Variants in RPH3A observed in about 807,000 individuals in gnomAD.
RPH3A encodes rabphilin-3A.
Under a neutral mutation model 102.2 loss-of-function variants are expected in RPH3A, and 48 were observed. The observed-to-expected ratio is 0.47, with a 90% CI of 0.37 to 0.60. RPH3A has a LOEUF of 0.60. Among genes scored for constraint, RPH3A ranks in the 20% least tolerant of loss-of-function variants. The pLI, the probability that RPH3A is intolerant of heterozygous loss-of-function variation, is 0.00. For missense variants in RPH3A, 781 were observed against 910.1 expected (o/e 0.86, Z 1.83); for synonymous variants, 310 against 324.3 (o/e 0.96, Z 0.47).
chr12:112,579,539 T>C (rs1452745184), intron 1 of RPH3A, among the ~76,000 whole-genome samples: 3 of 152,196 alleles, frequency 2.0e-5, no homozygotes, highest in South Asian at 2.1e-4. Context: ...AAAATTCTGG[T>C]AAAGCCATTA....
At chr12:112,769,537 C>T (rs1166906028) in intron 1 of RPH3A, among the ~76,000 whole-genome samples, 2 of 152,312 alleles carry the variant, frequency 1.3e-5, no homozygotes, top group South Asian at 2.1e-4. Context: ...TTACGTTTAG[C>T]GCATAAAAAC....
In RPH3A at chr12:112,637,238, A is replaced by G. The variant is rs542470430; in HGVS notation, c.-140+61919A>G. On this transcript the variant is annotated intron_variant, in intron 1 of 21. Transcript: ENST00000543106. ...CTGATACAACAGATTTCCCTTCAGC[A>G]TAATCCTCCCCAATGTGCTTCTCAT... is the stretch of plus-strand genomic sequence containing the variant. 2.6e-5 allele frequency among the ~76,000 whole-genome samples: 4 copies of G among 152,306 alleles called. No homozygotes were observed. The South Asian group carries it at 8.3e-4, about 32-fold the overall frequency.
At chr12:112,764,386 C>T (rs1304145278) in intron 1 of RPH3A, among the ~76,000 whole-genome samples, 1 of 152,136 alleles carries the variant, frequency 6.6e-6, no homozygotes, top group African/African-American at 2.4e-5. Context: ...TGTTATGTAG[C>T]TAAAACCTCA....
At chr12:112,780,190 G>C (rs1304434407) in intron 1 of RPH3A, among the ~76,000 whole-genome samples, 1 of 151,930 alleles carries the variant, frequency 6.6e-6, no homozygotes, top group Non-Finnish European at 1.5e-5. Flanking sequence ...GGCTCATGTT[G>C]GCCTCATCTT....
intron 12 of RPH3A, among the ~76,000 whole-genome samples, chr12:112,876,437 C>G (rs565750545): frequency 6.6e-6 from 1 of 152,314 alleles, no homozygotes; most frequent in South Asian, 2.1e-4. Flanking sequence ...GTCCACACCA[C>G]TGATTTGTAC....
intron 1 of RPH3A, among the ~76,000 whole-genome samples, chr12:112,700,337 T>A (rs2040384518): frequency 6.6e-6 from 1 of 152,126 alleles, no homozygotes; most frequent in East Asian, 1.9e-4. Flanking sequence ...CCCAAGTGAA[T>A]TCTTAATATA....
At chr12:112,736,533 G>A (rs1239745596) in intron 1 of RPH3A, among the ~76,000 whole-genome samples, 2 of 152,208 alleles carry the variant, frequency 1.3e-5, no homozygotes, top group East Asian at 3.8e-4. Context: ...GAGACACGGA[G>A]TGTGAGCACT....
rs368311022 is a variant in RPH3A at position 112,870,028 on chromosome 12, G to A, written c.785G>A (p.Arg262Gln). 8.1e-5 allele frequency: 130 copies of A among 1,612,486 alleles called. No individual in the cohort carries two copies. Among genetic ancestry groups the A allele is most frequent in the South Asian group, 4.5e-4 (41 of 90,762 alleles). The change falls in exon 10 of 22, where the codon CGG (arginine) becomes CAG (glutamine). Residue 262 changes from arginine (R) to glutamine (Q), a missense_variant. Around this residue, in one of 2 missense-constraint regions of RPH3A, gnomAD observed 730 missense variants for 810.0 expected, o/e 0.90. Coordinates refer to ENST00000389385, the MANE Select transcript of RPH3A (RefSeq NM_001143854.2). ...DHSGGAGDSS[R>Q]SPAGLRRANS... ...AGTGGGGGTGCTGGAGACTCCAGCCGGAGCCCAGCAGGTGAGCAAGATGGG... is the reference window on the plus strand; with the variant it reads ...AGTGGGGGTGCTGGAGACTCCAGCCAGAGCCCAGCAGGTGAGCAAGATGGG...
intron 1 of RPH3A, among the ~76,000 whole-genome samples, chr12:112,749,280 G>C (rs536437476): frequency 6.6e-6 from 1 of 152,140 alleles, no homozygotes; most frequent in African/African-American, 2.4e-5. Flanking sequence ...TGTTGATTTC[G>C]TCAGTGTTCT....
At chr12:112,759,807 G>A (rs1247285218) in intron 1 of RPH3A, among the ~76,000 whole-genome samples, 2 of 152,046 alleles carry the variant, frequency 1.3e-5, no homozygotes, top group Non-Finnish European at 2.9e-5. Context: ...ATCTCTTCTG[G>A]TGCGTATGTC....
intron 4 of RPH3A, chr12:112,837,757 C>G: frequency 2.2e-6 from 1 of 455,974 alleles, no homozygotes; most frequent in Non-Finnish European, 4.4e-6. Flanking sequence ...AAGTTCATGA[C>G]TCCAAAAGGT....
At chr12:112,782,920 A>G (rs969877472) in intron 1 of RPH3A, among the ~76,000 whole-genome samples, 2 of 152,204 alleles carry the variant, frequency 1.3e-5, no homozygotes, top group Non-Finnish European at 2.9e-5. Flanking sequence ...ATTCCTGGAC[A>G]GAGTCTCATG....
intron 1 of RPH3A, among the ~76,000 whole-genome samples, chr12:112,647,019 A>G (rs1254512594): frequency 6.6e-6 from 1 of 152,210 alleles, no homozygotes; most frequent in Non-Finnish European, 1.5e-5. Flanking sequence ...TTAGCCACAC[A>G]TTAGCTTAGG....
chr12:112,868,270 A>G, intron 7 of RPH3A, 160 bp from the exon 8 acceptor site: 1 of 670,876 alleles, frequency 1.5e-6, no homozygotes, highest in Non-Finnish European at 2.4e-6. Context: ...TGGGCTGAAT[A>G]AATATGAATT....
rs150809095 is a variant in RPH3A at position 112,683,533 on chromosome 12, G to A, written c.-140+108214G>A. Among the ~76,000 whole-genome samples, 9 of 152,264 alleles carry A rather than the reference G, an allele frequency of 5.9e-5. No individual in the cohort carries two copies. The East Asian group carries it at 1.7e-3, about 29-fold the overall frequency. ...ATGATTCCAAGGAGGAGGAGTGAGG[G>A]ACAGGAAGAGTGAACTGAGGATACC... is the stretch of plus-strand genomic sequence containing the variant. On this transcript the variant is annotated intron_variant, in intron 1 of 21. Coordinates refer to the RPH3A transcript ENST00000543106.
intron 1 of RPH3A, among the ~76,000 whole-genome samples, chr12:112,746,811 A>G (rs901048353): frequency 3.9e-4 from 60 of 152,040 alleles, no homozygotes; most frequent in African/African-American, 1.4e-3. Context: ...TCTGCCAGTC[A>G]GCTGCCTCTG....
At chr12:112,646,528 C>T (rs1213655832) in intron 1 of RPH3A, among the ~76,000 whole-genome samples, 1 of 152,146 alleles carries the variant, frequency 6.6e-6, no homozygotes, top group African/African-American at 2.4e-5. Flanking sequence ...CAGTTGGAGG[C>T]TCTCAGCCGG....
At chr12:112,877,452 A>ACACACACCAGTGGC (rs1555219897) in intron 13 of RPH3A, among the ~76,000 whole-genome samples, 2 of 151,172 alleles carry the variant, frequency 1.3e-5, no homozygotes, top group African/African-American at 4.9e-5. Flanking sequence ...ACACACACAC[A>ACACACACCAGTGGC]CACACACCAG....
intron 12 of RPH3A, 85 bp from the exon 13 acceptor site, chr12:112,876,557 T>A: frequency 1.0e-6 from 1 of 969,830 alleles, no homozygotes; most frequent in Non-Finnish European, 1.5e-6. Context: ...AAGCCAGGAA[T>A]CCGCATCTTT....
Sources: allele counts gnomAD v4.1 joint callset (sites outside exome capture counted in the v4.1 genomes callset), GRCh38; gene constraint gnomAD v4.1.1; regional missense constraint gnomAD v4.1.1; transcripts MANE v1.5; gene names NCBI Gene and HGNC (gene_info 2026-07-23, HGNC 2026-07-21).